The following DCDC2 variants were observed in gnomAD, a reference collection of about 807,000 sequenced individuals.
DCDC2 encodes the protein doublecortin domain-containing protein 2.
Under a neutral mutation model 50.2 loss-of-function variants are expected in DCDC2, and 40 were observed. The observed-to-expected ratio is 0.80, with a 90% CI of 0.62 to 1.04. The LOEUF (loss-of-function observed/expected upper bound fraction) is 1.04, where lower values mean the gene tolerates loss of function less well. Ranked by LOEUF, DCDC2 falls within the 50% of genes least tolerant of loss-of-function variation. DCDC2 has a pLI of 0.00. For missense variants in DCDC2, 570 were observed against 581.9 expected (o/e 0.98, Z 0.21); for synonymous variants, 234 against 210.6 (o/e 1.11, Z -0.96).
chr6:24,250,123 T>C (rs563603273), intron 7 of DCDC2, among the ~76,000 whole-genome samples: 1 of 152,294 alleles, frequency 6.6e-6, no homozygotes, highest in African/African-American at 2.4e-5. Context: ...CATCCTCTGA[T>C]CCTTCTCATC....
At chr6:24,375,786 G>A in the DCDC2 span, among the ~76,000 whole-genome samples, 67 of 152,146 alleles carry the variant, frequency 4.4e-4, no homozygotes, top group Non-Finnish European at 7.5e-4. Flanking sequence ...CATATAGGTG[G>A]TACTTGATGA....
At chr6:24,305,794 A>AG (rs60550308) in intron 2 of DCDC2, among the ~76,000 whole-genome samples, 18,452 of 151,966 alleles carry the variant, frequency 0.12, 1,378 homozygotes, top group African/African-American at 0.21. Context: ...TGGGAGGCCA[A>AG]GGGGGGGTGG....
chr6:24,181,639 G>C (rs1365696573), intron 8 of DCDC2, among the ~76,000 whole-genome samples: 1 of 152,114 alleles, frequency 6.6e-6, no homozygotes, highest in East Asian at 1.9e-4. Flanking sequence ...TGAAAGACTT[G>C]TGCAATGAAA....
chr6:24,333,044 C>T (rs1265210888), intron 2 of DCDC2, among the ~76,000 whole-genome samples: 1 of 152,068 alleles, frequency 6.6e-6, no homozygotes, highest in Non-Finnish European at 1.5e-5. Flanking sequence ...CAAGACTTCC[C>T]TGAGGAAATG....
At chr6:24,276,745 C>G (rs1763366894) in intron 7 of DCDC2, among the ~76,000 whole-genome samples, 1 of 152,210 alleles carries the variant, frequency 6.6e-6, no homozygotes, top group East Asian at 1.9e-4. Context: ...GTATTTCACC[C>G]TAGCCTCCTT....
intron 6 of DCDC2, among the ~76,000 whole-genome samples, chr6:24,281,809 G>A (rs1458261088): frequency 6.6e-6 from 1 of 152,100 alleles, no homozygotes; most frequent in Middle Eastern, 3.4e-3. Context: ...GAAATAAAAC[G>A]ATATCACTGG....
chr6:24,369,608 CA>C, the DCDC2 span, among the ~76,000 whole-genome samples: 25 of 133,360 alleles, frequency 1.9e-4, no homozygotes, highest in South Asian at 9.4e-4. Context: ...GACTCCGTCT[CA>C]AAAAAAAAAA....
intron 8 of DCDC2, among the ~76,000 whole-genome samples, chr6:24,186,330 T>C (rs1210168083): frequency 6.6e-6 from 1 of 152,240 alleles, no homozygotes; most frequent in East Asian, 1.9e-4. Flanking sequence ...TCTCATTTTA[T>C]CTTCCCAACC....
intron 6 of DCDC2, among the ~76,000 whole-genome samples, chr6:24,280,889 G>A (rs574997138): frequency 5.7e-4 from 87 of 152,208 alleles, no homozygotes; most frequent in African/African-American, 2.0e-3. Flanking sequence ...CCTTTCACAC[G>A]CCGTTAGCAA....
chr6:24,255,983 A>G (rs531101269), intron 7 of DCDC2, among the ~76,000 whole-genome samples: 28 of 152,290 alleles, frequency 1.8e-4, no homozygotes, highest in Non-Finnish European at 3.7e-4. Context: ...AACTGGAAAC[A>G]AGACAAAACT....
intron 7 of DCDC2, among the ~76,000 whole-genome samples, chr6:24,246,015 T>A (rs942820439): frequency 2.0e-5 from 3 of 152,270 alleles, no homozygotes; most frequent in East Asian, 1.9e-4. Context: ...TATTTATTTA[T>A]TTTTTTGAGA....
At chr6:24,382,540 T>C in the DCDC2 span, among the ~76,000 whole-genome samples, 1 of 152,194 alleles carries the variant, frequency 6.6e-6, no homozygotes, top group Non-Finnish European at 1.5e-5. Context: ...ATTTAAGTAG[T>C]GTACATCTGA....
chr6:24,303,490 T>A (rs985031718), intron 2 of DCDC2, among the ~76,000 whole-genome samples: 29 of 152,138 alleles, frequency 1.9e-4, no homozygotes, highest in African/African-American at 7.0e-4. Context: ...TGGAATTCCA[T>A]CTGCTCTTCA....
intron 8 of DCDC2, among the ~76,000 whole-genome samples, chr6:24,185,425 C>T (rs766700119): frequency 1.3e-5 from 2 of 152,034 alleles, no homozygotes; most frequent in East Asian, 1.9e-4. Flanking sequence ...TTAAATAAGA[C>T]GGTAACATTA....
chr6:24,246,275 T>C (rs1382754047), intron 7 of DCDC2, among the ~76,000 whole-genome samples: 1 of 152,150 alleles, frequency 6.6e-6, no homozygotes, highest in African/African-American at 2.4e-5. Flanking sequence ...CATGAAATGA[T>C]ATACTATGTT....
intron 2 of DCDC2, among the ~76,000 whole-genome samples, chr6:24,314,100 C>T (rs1353343694): frequency 6.6e-6 from 1 of 152,178 alleles, no homozygotes; most frequent in Non-Finnish European, 1.5e-5. Context: ...TCTCCAAGTT[C>T]TCACATTCTC....
At chr6:24,352,698 A>G (rs1188398343) in intron 2 of DCDC2, among the ~76,000 whole-genome samples, 1 of 152,166 alleles carries the variant, frequency 6.6e-6, no homozygotes, top group Admixed American at 6.5e-5. Context: ...GTGAGAGGAA[A>G]TGGTGAGTGT....
chr6:24,368,461 C>A, the DCDC2 span, among the ~76,000 whole-genome samples: 1 of 151,994 alleles, frequency 6.6e-6, no homozygotes, highest in Non-Finnish European at 1.5e-5. Flanking sequence ...TGGGAAAACA[C>A]GTATTACCCA....
In DCDC2 at chr6:24,178,620, T is replaced by C; in HGVS notation, c.1036A>G (p.Ile346Val). ...TCTCCATCTTCTTCCTCGTCTACTA[T>C]TTCTGCTGGCCTCTGATGGATCAAA... Reference protein sequence around the residue: ...EVPVDQRPAEIVDEEEDGEKA... With the variant: ...EVPVDQRPAEVVDEEEDGEKA... The change falls in exon 9 of 10, where the codon ATA (isoleucine) becomes GTA (valine). Residue 346 changes from isoleucine (I) to valine (V), a missense_variant. Coordinates refer to ENST00000378454, the MANE Select transcript of DCDC2 (RefSeq NM_016356.5). 6.2e-7 allele frequency: 1 copy of C among 1,612,856 alleles called. No homozygotes were observed. The highest frequency in any genetic ancestry group is 8.5e-7 in the Non-Finnish European group (1 of 1,179,710).
Sources: gnomAD v4.1 joint callset for allele counts (sites outside exome capture counted in the v4.1 genomes callset) on GRCh38, gnomAD v4.1.1 for gene constraint, MANE v1.5 for transcripts, NCBI Gene and HGNC (gene_info 2026-07-23, HGNC 2026-07-21) for gene names.